WWOX: variants seen among roughly 807,000 people sequenced by gnomAD.
WWOX encodes the protein WW domain-containing oxidoreductase.
A neutral mutation model predicts 46.2 loss-of-function variants in WWOX; 69 were observed. The observed-to-expected ratio is 1.49, with a 90% CI of 1.23 to 1.82. The LOEUF (loss-of-function observed/expected upper bound fraction) is 1.82, where lower values mean the gene tolerates loss of function less well. WWOX is among the 40% of genes most tolerant of loss of function. WWOX has a pLI of 0.00. For missense variants in WWOX, 919 were observed against 542.6 expected (o/e 1.69, Z -6.89); for synonymous variants, 359 against 202.6 (o/e 1.77, Z -6.56).
intron 8 of WWOX, among the ~76,000 whole-genome samples, chr16:79,125,382 G>A (rs1304654633): frequency 6.6e-6 from 1 of 152,166 alleles, no homozygotes; most frequent in Non-Finnish European, 1.5e-5. Flanking sequence ...TGGTTTATGA[G>A]GAGAATTTGG....
chr16:78,591,282 A>T (rs188547872), intron 8 of WWOX, among the ~76,000 whole-genome samples: 9 of 152,274 alleles, frequency 5.9e-5, no homozygotes, highest in African/African-American at 2.2e-4. Context: ...AAGCCCCTCA[A>T]CACACTTAGG....
At chr16:78,969,159 G>C (rs1405393905) in intron 8 of WWOX, among the ~76,000 whole-genome samples, 1 of 151,924 alleles carries the variant, frequency 6.6e-6, no homozygotes, top group African/African-American at 2.4e-5. Context: ...TGGTCTTATG[G>C]GTCTGGGCAC....
Position 78,392,703 on chromosome 16 carries a change from G to C in WWOX, c.605+5755G>C, listed in dbSNP as rs2082201649. The stretch of plus-strand genomic sequence containing the variant: ...CTGTGAAAGGGTAGATAACTCAAGA[G>C]ACTCAATCAACTTCGTGTTTAATGT... On this transcript the variant is annotated intron_variant, in intron 6 of 8. Transcript: ENST00000566780. Among the ~76,000 whole-genome samples the C allele has an allele frequency of 2.0e-5, 3 of 152,144 alleles. No homozygotes were observed. The South Asian group carries it at 6.2e-4, about 32-fold the overall frequency.
At chr16:79,087,273 G>A (rs918302381) in intron 8 of WWOX, among the ~76,000 whole-genome samples, 6 of 152,210 alleles carry the variant, frequency 3.9e-5, no homozygotes, top group African/African-American at 1.4e-4. Context: ...GTGAAGCATG[G>A]GGACCTCCGG....
intron 8 of WWOX, among the ~76,000 whole-genome samples, chr16:78,948,592 A>G (rs538389338): frequency 9.2e-5 from 14 of 151,876 alleles, no homozygotes; most frequent in Non-Finnish European, 1.5e-4. Flanking sequence ...ATCCCTCTGG[A>G]TGCCTTGTGG....
intron 8 of WWOX, among the ~76,000 whole-genome samples, chr16:78,608,255 A>G (rs1400448550): frequency 6.6e-6 from 1 of 152,204 alleles, no homozygotes; most frequent in East Asian, 1.9e-4. Context: ...CAGGACCAGG[A>G]TGCTGATACA....
At chr16:78,720,449 A>T (rs1273051335) in intron 8 of WWOX, among the ~76,000 whole-genome samples, 1 of 149,520 alleles carries the variant, frequency 6.7e-6, no homozygotes, top group African/African-American at 2.5e-5. Context: ...GAAATTCCCA[A>T]TTTGCAATGT....
At chr16:78,695,253 C>T (rs1344019082) in intron 8 of WWOX, among the ~76,000 whole-genome samples, 5 of 152,088 alleles carry the variant, frequency 3.3e-5, no homozygotes, top group Non-Finnish European at 7.4e-5. Context: ...ATTGTGTTTA[C>T]ATCCACAGGC....
chr16:79,195,869 T>G (rs2051229886), intron 8 of WWOX, among the ~76,000 whole-genome samples: 1 of 152,212 alleles, frequency 6.6e-6, no homozygotes, highest in South Asian at 2.1e-4. Flanking sequence ...AAAGAACATT[T>G]CAGTTTTTCA....
intron 8 of WWOX, among the ~76,000 whole-genome samples, chr16:78,474,547 T>C (rs968109290): frequency 9.2e-5 from 14 of 152,336 alleles, no homozygotes; most frequent in African/African-American, 3.4e-4. Flanking sequence ...CAAACGACAG[T>C]CCGTAAACTG....
At chr16:78,377,718 T>C (rs916781184) in intron 5 of WWOX, among the ~76,000 whole-genome samples, 2 of 152,208 alleles carry the variant, frequency 1.3e-5, no homozygotes, top group Non-Finnish European at 2.9e-5. Flanking sequence ...TCTGGCAGGA[T>C]AAGCATTTTT....
chr16:78,855,387 G>GA (rs1017455023), intron 8 of WWOX, among the ~76,000 whole-genome samples: 25 of 149,038 alleles, frequency 1.7e-4, no homozygotes, highest in South Asian at 8.5e-4. Context: ...TTGCGGGGAG[G>GA]AAAAAAAAAC....
intron 8 of WWOX, among the ~76,000 whole-genome samples, chr16:78,474,819 T>A (rs1237541593): frequency 6.6e-6 from 1 of 152,222 alleles, no homozygotes; most frequent in Non-Finnish European, 1.5e-5. Context: ...TTCTCATTAA[T>A]GGGCTCACAC....
chr16:78,583,758 C>G lies in WWOX; in HGVS notation c.1056+151006C>G, dbSNP rs116561747. Among the ~76,000 whole-genome samples, 775 of 152,320 alleles carry G rather than the reference C, an allele frequency of 5.1e-3. 7 individuals carry two copies. Among genetic ancestry groups the G allele is most frequent in the African/African-American group, 0.018 (732 of 41,578 alleles). On this transcript the variant is annotated intron_variant, in intron 8 of 8. Coordinates refer to ENST00000566780, the MANE Select transcript of WWOX (RefSeq NM_016373.4). ...AGGGTTTTGAGTTAAGTGCTTTTGACATGGAAAATCAGGAGCCAAGGGCGA... is the reference window on the plus strand; with the variant it reads ...AGGGTTTTGAGTTAAGTGCTTTTGAGATGGAAAATCAGGAGCCAAGGGCGA...
At chr16:78,900,136 A>T (rs1161131718) in intron 8 of WWOX, among the ~76,000 whole-genome samples, 2 of 140,412 alleles carry the variant, frequency 1.4e-5, no homozygotes, top group African/African-American at 5.3e-5. Flanking sequence ...CTGTTTTTTT[A>T]AATGAAGGAG....
At chr16:78,921,806 C>G (rs1024663581) in intron 8 of WWOX, among the ~76,000 whole-genome samples, 1 of 152,216 alleles carries the variant, frequency 6.6e-6, no homozygotes, top group African/African-American at 2.4e-5. Context: ...CTCTGACACC[C>G]ACTGCAAGTT....
At chr16:78,352,136 G>A (rs573939021) in intron 5 of WWOX, among the ~76,000 whole-genome samples, 1 of 152,322 alleles carries the variant, frequency 6.6e-6, no homozygotes, top group Non-Finnish European at 1.5e-5. Context: ...ATGCGATTGT[G>A]AAAATGTGAG....
intron 8 of WWOX, among the ~76,000 whole-genome samples, chr16:78,808,042 C>T (rs1338583094): frequency 6.6e-6 from 1 of 152,162 alleles, no homozygotes; most frequent in Non-Finnish European, 1.5e-5. Context: ...CCCATCTTTC[C>T]CCACAGACAT....
At position 78,854,981 on chromosome 16, in the gene WWOX, A is replaced by C. The variant is rs554123971; in HGVS notation, c.1057-356627A>C. 7.8e-4 allele frequency among the ~76,000 whole-genome samples: 119 copies of C among 151,988 alleles called. No homozygotes were observed. In the South Asian group the frequency reaches 8.9e-3, roughly 11 times the overall value. ...TTTCTTAGTGAAGTAATGGCTTCTCAAATTTACACTCCATTATTTTATTTA... is the reference window on the plus strand; with the variant it reads ...TTTCTTAGTGAAGTAATGGCTTCTCCAATTTACACTCCATTATTTTATTTA... On this transcript the variant is annotated intron_variant, in intron 8 of 8. Transcript: ENST00000566780.
Sources: allele counts gnomAD v4.1 joint callset (sites outside exome capture counted in the v4.1 genomes callset), GRCh38; gene constraint gnomAD v4.1.1; transcripts MANE v1.5; gene names NCBI Gene and HGNC (gene_info 2026-07-23, HGNC 2026-07-21).